The following UBE3A variants were observed in gnomAD, a reference collection of about 807,000 sequenced individuals.
UBE3A encodes the protein ubiquitin-protein ligase E3A.
A neutral mutation model predicts 83.4 loss-of-function variants in UBE3A; 6 were observed. That is an observed-to-expected ratio of 0.07 (90% CI 0.04 to 0.14). UBE3A has a LOEUF of 0.14. Among genes scored for constraint, UBE3A ranks in the 10% least tolerant of loss-of-function variants. The pLI, the probability that UBE3A is intolerant of heterozygous loss-of-function variation, is 1.00. For synonymous variants in UBE3A, 337 were observed against 355.4 expected, an observed-to-expected ratio of 0.95 and a Z score of 0.58; for missense variants, 456 against 1,036.1, an observed-to-expected ratio of 0.44 and a Z score of 7.69.
intron 2 of UBE3A, among the ~76,000 whole-genome samples, chr15:25,410,620 C>G (rs765723280): frequency 6.6e-6 from 1 of 152,142 alleles, no homozygotes; most frequent in Non-Finnish European, 1.5e-5. Flanking sequence ...TCTGCGAATA[C>G]CAACGGTTAA....
chr15:25,376,154 G>A (rs1370994726), intron 4 of UBE3A, among the ~76,000 whole-genome samples: 1 of 152,140 alleles, frequency 6.6e-6, no homozygotes, highest in Non-Finnish European at 1.5e-5. Context: ...AGGAAAATGA[G>A]TCTATTTAAA....
At chr15:25,339,889 T>C (rs1480164990) in intron 12 of UBE3A, 196 bp downstream of exon 12, 2 of 675,270 alleles carry the variant, frequency 3.0e-6, no homozygotes, top group Admixed American at 5.7e-5. Context: ...CCCATAATAA[T>C]TTTTAACTAG....
At chr15:25,355,760 G>A (rs1466364789) in intron 9 of UBE3A, 132 bp downstream of exon 9, 3 of 918,086 alleles carry the variant, frequency 3.3e-6, no homozygotes, top group Non-Finnish European at 4.9e-6. Flanking sequence ...GTGGACTCTA[G>A]CATTTACATA....
Position 25,355,878 on chromosome 15 carries a change from A to G in UBE3A, c.2124+14T>C, listed in dbSNP as rs2077156956. 1.9e-6 allele frequency: 3 copies of G among 1,608,674 alleles called. No individual in the cohort carries two copies. Among genetic ancestry groups the G allele is most frequent in the South Asian group, 2.2e-5 (2 of 90,916 alleles). On this transcript the variant is annotated intron_variant, in intron 9 of 12. Transcript: ENST00000648336. Reference sequence around the variant, plus strand: ...TAATGAAGAGACAAAATGTGACATAAAAACATTTATTACCTTCCTGTTTTC... The same window carrying G: ...TAATGAAGAGACAAAATGTGACATAGAAACATTTATTACCTTCCTGTTTTC...
At chr15:25,398,717 C>T (rs986389841) in intron 4 of UBE3A, among the ~76,000 whole-genome samples, 24 of 137,960 alleles carry the variant, frequency 1.7e-4, no homozygotes, top group Non-Finnish European at 1.1e-4. Flanking sequence ...CAAATGATAC[C>T]GAAAGGAACA....
chr15:25,339,086 T>TTTTC lies in UBE3A; in HGVS notation c.*47_*50dup, dbSNP rs1281280131. 9 of 1,480,190 alleles carry TTTTC rather than the reference T, an allele frequency of 6.1e-6. No individual in the cohort carries two copies. In the African/African-American group the frequency reaches 1.1e-4, roughly 19 times the overall value. 91.7% of individuals were successfully genotyped at this position (1,480,190 alleles called of 1,614,324 possible). ...TTATATTTTTAAAATTTTTTAAATT[T>TTTTC]TTTCTTTTTTTTTCCTTCCTTTTTT... On this transcript the variant is annotated 3_prime_UTR_variant, in exon 13 of 13. Coordinates refer to ENST00000648336, the MANE Select transcript of UBE3A (RefSeq NM_130839.5).
In UBE3A at chr15:25,337,366, G is replaced by C. The variant is rs2074027299; in HGVS notation, c.*1771C>G. 1 of 152,012 alleles carries C rather than the reference G, an allele frequency of 6.6e-6. No homozygotes were observed. Among genetic ancestry groups the C allele is most frequent in the African/African-American group, 2.4e-5 (1 of 41,378 alleles). 9.4% of individuals were successfully genotyped at this position (152,012 alleles called of 1,614,324 possible). On this transcript the variant is annotated 3_prime_UTR_variant, in exon 13 of 13. Coordinates refer to ENST00000648336, the MANE Select transcript of UBE3A (RefSeq NM_130839.5). ...TTAAGATGACTACAGTTGCACGAAG[G>C]TCCCTTTCATCAAGGTAGCGTATGT...
At position 25,356,020 on chromosome 15, in the gene UBE3A, C is replaced by T. The variant is rs1193328954; in HGVS notation, c.1996G>A (p.Glu666Lys). The T allele has an allele frequency of 3.1e-6, 5 of 1,613,834 alleles. No individual in the cohort carries two copies. Among genetic ancestry groups the T allele is most frequent in the Non-Finnish European group, 4.2e-6 (5 of 1,179,870 alleles). ...YQSLKDLLEY[E>K]GNVEDDMMIT... The stretch of plus-strand genomic sequence containing the variant: ...ATCATGTCATCTTCCACATTCCCTT[C>T]ATACTCCAATAAATCTTTTAAACTC... Residue 666 changes from glutamate (E) to lysine (K), a missense_variant, in exon 9 of 13, where the codon GAA (glutamate) becomes AAA (lysine). By Grantham distance (56) the Glu-to-Lys change is moderately conservative. Transcript: ENST00000648336.
chr15:25,364,773 A>G (rs1325329389), intron 6 of UBE3A, among the ~76,000 whole-genome samples: 1 of 151,628 alleles, frequency 6.6e-6, no homozygotes, highest in Non-Finnish European at 1.5e-5. Context: ...CCTCCCGAGT[A>G]GCTGGGACTA....
chr15:25,353,422 G>A (rs2152672057), intron 11 of UBE3A, among the ~76,000 whole-genome samples: 1 of 152,230 alleles, frequency 6.6e-6, no homozygotes, highest in South Asian at 2.1e-4. Context: ...CTCAAGTTCT[G>A]CAGTTGGCCC....
intron 4 of UBE3A, among the ~76,000 whole-genome samples, chr15:25,383,288 C>T (rs111788111): frequency 0.037 from 5,634 of 152,074 alleles, 338 homozygotes; most frequent in African/African-American, 0.13. Context: ...GGACAAAAAC[C>T]AATAATCTCA....
At chr15:25,425,087 C>A (rs1210581205) in intron 1 of UBE3A, among the ~76,000 whole-genome samples, 3 of 152,064 alleles carry the variant, frequency 2.0e-5, no homozygotes, top group Non-Finnish European at 4.4e-5. Flanking sequence ...CTCACATTTC[C>A]TGGTTTCAAG....
At chr15:25,368,962 T>G (rs1047857907) in intron 6 of UBE3A, among the ~76,000 whole-genome samples, 1 of 152,070 alleles carries the variant, frequency 6.6e-6, no homozygotes, top group South Asian at 2.1e-4. Context: ...AGACATAGCT[T>G]TTGATGAAGA....
At chr15:25,354,487 T>C in intron 10 of UBE3A, 41 bp downstream of exon 10, 1 of 1,613,850 alleles carries the variant, frequency 6.2e-7, no homozygotes, top group Non-Finnish European at 8.5e-7. Flanking sequence ...TTACAAACAA[T>C]AAATCGATAC....
At chr15:25,412,724 T>C (rs2090215752) in intron 1 of UBE3A, among the ~76,000 whole-genome samples, 1 of 150,106 alleles carries the variant, frequency 6.7e-6, no homozygotes, top group African/African-American at 2.5e-5. Context: ...TCTCAAAGGT[T>C]AAGAAACCTA....
chr15:25,370,195 A>G lies in UBE3A; in HGVS notation c.1608+371T>C, dbSNP rs2080082927. On this transcript the variant is annotated intron_variant, in intron 6 of 12. Coordinates refer to ENST00000648336, the MANE Select transcript of UBE3A (RefSeq NM_130839.5). The surrounding 1 kb of genome is among the most constrained non-coding windows in gnomAD (Gnocchi z 4.2). Reference sequence around the variant, plus strand: ...TTTTATGGTATGGTTTTACTGTACCATTACTCCCAGTTCAAGACTGCACAT... The same window carrying G: ...TTTTATGGTATGGTTTTACTGTACCGTTACTCCCAGTTCAAGACTGCACAT... 6.6e-6 allele frequency among the ~76,000 whole-genome samples: 1 copy of G among 152,178 alleles called. No individual in the cohort carries two copies. The highest frequency in any genetic ancestry group is 1.5e-5 in the Non-Finnish European group (1 of 68,032).
intron 1 of UBE3A, among the ~76,000 whole-genome samples, chr15:25,429,080 T>C (rs552179009): frequency 2.0e-5 from 3 of 152,240 alleles, no homozygotes; most frequent in South Asian, 2.1e-4. Context: ...AACTTGATAC[T>C]GAGTTTAAAA....
intron 3 of UBE3A, 69 bp downstream of exon 3, chr15:25,409,019 C>A (rs910649733): frequency 1.0e-5 from 15 of 1,489,580 alleles, no homozygotes; most frequent in Non-Finnish European, 1.4e-5. Flanking sequence ...ACATTGTCTT[C>A]ATTTTTACAG....
chr15:25,366,312 T>C (rs940155912), intron 6 of UBE3A, among the ~76,000 whole-genome samples: 1 of 152,226 alleles, frequency 6.6e-6, no homozygotes, highest in Non-Finnish European at 1.5e-5. Context: ...TTTAAAGCTC[T>C]GTGAGTCAAT....
Sources: gnomAD v4.1 joint callset for allele counts (sites outside exome capture counted in the v4.1 genomes callset) on GRCh38, gnomAD v4.1.1 for gene constraint, Gnocchi (gnomAD v3.1) non-coding constraint, MANE v1.5 for transcripts, NCBI Gene and HGNC (gene_info 2026-07-23, HGNC 2026-07-21) for gene names.